UNC13C: variants seen among roughly 807,000 people sequenced by gnomAD.
The protein encoded by UNC13C is unc-13 homolog C.
Under a neutral mutation model 245.4 loss-of-function variants are expected in UNC13C, and 174 were observed. The observed-to-expected ratio is 0.71, with a 90% CI of 0.63 to 0.80. UNC13C has a LOEUF of 0.80. Among genes scored for constraint, UNC13C ranks in the 30% least tolerant of loss-of-function variants. The pLI, the probability that UNC13C is intolerant of heterozygous loss-of-function variation, is 0.00. For synonymous variants in UNC13C, 992 were observed against 895.1 expected, an observed-to-expected ratio of 1.11 and a Z score of -1.93; for missense variants, 2,829 against 2,602.9, an observed-to-expected ratio of 1.09 and a Z score of -1.89.
the UNC13C span, among the ~76,000 whole-genome samples, chr15:53,961,844 A>G: frequency 2.0e-5 from 3 of 152,224 alleles, no homozygotes; most frequent in Non-Finnish European, 4.4e-5. Context: ...GCACATCAGC[A>G]TGAGAAATCT....
At chr15:54,491,149 T>G (rs959694444) in intron 19 of UNC13C, among the ~76,000 whole-genome samples, 1 of 152,230 alleles carries the variant, frequency 6.6e-6, no homozygotes, top group African/African-American at 2.4e-5. Flanking sequence ...TTTTTGGTAG[T>G]AAATGAAACT....
chr15:53,934,613 G>A, the UNC13C span, among the ~76,000 whole-genome samples: 837 of 152,248 alleles, frequency 5.5e-3, 11 homozygotes, highest in African/African-American at 0.019. Context: ...TCAAATAGTC[G>A]TAGAAGGTAT....
intron 8 of UNC13C, among the ~76,000 whole-genome samples, chr15:54,258,524 C>T (rs556661175): frequency 3.3e-5 from 5 of 152,082 alleles, no homozygotes; most frequent in East Asian, 1.9e-4. Flanking sequence ...CCACCACATC[C>T]GGCTAATTTT....
intron 2 of UNC13C, among the ~76,000 whole-genome samples, chr15:54,083,832 G>C (rs1487581278): frequency 6.6e-6 from 1 of 152,158 alleles, no homozygotes; most frequent in Non-Finnish European, 1.5e-5. Context: ...CATCGTCTTG[G>C]GGGCAGAGAT....
chr15:54,377,783 T>A (rs1251378422), intron 17 of UNC13C, among the ~76,000 whole-genome samples: 1 of 152,086 alleles, frequency 6.6e-6, no homozygotes, highest in African/African-American at 2.4e-5. Context: ...TTATGGAGGG[T>A]TCCACCCCCA....
At chr15:54,110,136 C>T (rs1289308365) in intron 2 of UNC13C, among the ~76,000 whole-genome samples, 1 of 151,720 alleles carries the variant, frequency 6.6e-6, no homozygotes, top group Non-Finnish European at 1.5e-5. Flanking sequence ...AAAAATTAGC[C>T]AGGCCTGGTA....
intron 26 of UNC13C, 95 bp downstream of exon 26, chr15:54,533,161 C>A: frequency 4.6e-6 from 4 of 866,128 alleles, no homozygotes; most frequent in South Asian, 2.0e-5. Context: ...TGTAAGGTAG[C>A]ATTAAAAGTC....
rs186287735 is a variant in UNC13C, at chr15:54,026,985, T to C, written c.2983+11099T>C. Among the ~76,000 whole-genome samples, 234 of 152,180 alleles carry C rather than the reference T, an allele frequency of 1.5e-3. 3 individuals carry two copies. The highest frequency in any genetic ancestry group is 5.3e-3 in the African/African-American group (219 of 41,512). On this transcript the variant is annotated intron_variant, in intron 2 of 32. Coordinates refer to ENST00000260323, the MANE Select transcript of UNC13C (RefSeq NM_001080534.3). ...TGGCTGTAGAAGAAAATCCAAAGTG[T>C]TAAGAGAGCACATTACAGCTTAGAG...
At chr15:54,556,307 A>G (rs1458785756) in intron 29 of UNC13C, among the ~76,000 whole-genome samples, 2 of 152,078 alleles carry the variant, frequency 1.3e-5, no homozygotes, top group African/African-American at 2.4e-5. Flanking sequence ...ACCATGACCC[A>G]TTTGTAGAGC....
chr15:54,469,185 T>C (rs1231558469), intron 19 of UNC13C, among the ~76,000 whole-genome samples: 1 of 151,520 alleles, frequency 6.6e-6, no homozygotes, highest in Admixed American at 6.6e-5. Context: ...ATTTTTTATG[T>C]TATTGTAAAT....
chr15:54,604,950 A>AAAAAAAT (rs5812765), intron 30 of UNC13C, among the ~76,000 whole-genome samples: 1 of 151,084 alleles, frequency 6.6e-6, no homozygotes, highest in Non-Finnish European at 1.5e-5. Flanking sequence ...CCTGCAACTT[A>AAAAAAAT]AAAAATAAAG....
Position 54,430,131 on chromosome 15 carries a change from T to A in UNC13C, c.4933+15064T>A, listed in dbSNP as rs189195837. Among the ~76,000 whole-genome samples, 675 of 151,814 alleles carry A rather than the reference T, an allele frequency of 4.4e-3. 1 individual carries two copies. Among genetic ancestry groups the A allele is most frequent in the Non-Finnish European group, 7.4e-3 (501 of 67,746 alleles). On this transcript the variant is annotated intron_variant, in intron 19 of 32. Transcript: ENST00000260323. ...CCTCTAATCTAATAGTATGTTGACA[T>A]GTTTGATAAGTGAAAATTTCAGATT...
chr15:54,010,490 G>C (rs1356588431), intron 1 of UNC13C, among the ~76,000 whole-genome samples: 6 of 152,040 alleles, frequency 3.9e-5, no homozygotes, highest in Non-Finnish European at 5.9e-5. Flanking sequence ...GAGAGGGGAA[G>C]GGGAAAGGAA....
intron 4 of UNC13C, among the ~76,000 whole-genome samples, chr15:54,224,800 C>G (rs769969306): frequency 2.6e-5 from 4 of 152,086 alleles, no homozygotes; most frequent in Non-Finnish European, 5.9e-5. Flanking sequence ...CTCAGAGGCA[C>G]TTTATTGCAG....
chr15:54,207,050 G>A (rs1207372256), intron 4 of UNC13C, among the ~76,000 whole-genome samples: 2 of 152,034 alleles, frequency 1.3e-5, no homozygotes, highest in African/African-American at 2.4e-5. Flanking sequence ...CAGTAGCAGA[G>A]AGGAAGCATC....
chr15:54,116,805 T>C (rs1371021934), intron 2 of UNC13C, among the ~76,000 whole-genome samples: 1 of 152,158 alleles, frequency 6.6e-6, no homozygotes, highest in East Asian at 1.9e-4. Flanking sequence ...GTAATGGAAT[T>C]GCTGAACCAT....
chr15:54,050,019 G>A lies in UNC13C; in HGVS notation c.2983+34133G>A, dbSNP rs766882470. ...GAGTCTCACTCTGTCTCCCAGGCAA[G>A]AGTGCAGTGGCGTGACCTCGGCTCA... On this transcript the variant is annotated intron_variant, in intron 2 of 32. Transcript: ENST00000260323. 2.7e-4 allele frequency: 65 copies of A among 237,668 alleles called. 1 individual carries two copies. In the South Asian group the frequency reaches 2.7e-3, roughly 10 times the overall value. The allele number at this position is 237,668 out of a possible 1,614,324, so 14.7% of individuals were successfully genotyped here. A position where few individuals can be genotyped will look rare whatever the true frequency, so the allele number is the denominator to read the frequency against.
the UNC13C span, among the ~76,000 whole-genome samples, chr15:53,936,298 C>T: frequency 6.6e-6 from 1 of 152,128 alleles, no homozygotes; most frequent in East Asian, 1.9e-4. Context: ...CTGATCCATC[C>T]CTCATCACTG....
chr15:54,124,373 T>C (rs1339877932), intron 2 of UNC13C, among the ~76,000 whole-genome samples: 1 of 152,240 alleles, frequency 6.6e-6, no homozygotes, highest in Non-Finnish European at 1.5e-5. Context: ...TGGTTTTTAT[T>C]TGCATTTTCT....
Sources: gnomAD v4.1 joint callset for allele counts (sites outside exome capture counted in the v4.1 genomes callset) on GRCh38, gnomAD v4.1.1 for gene constraint, MANE v1.5 for transcripts, NCBI Gene and HGNC (gene_info 2026-07-23, HGNC 2026-07-21) for gene names.